The following MTRFR variants were observed in gnomAD, a reference collection of about 807,000 sequenced individuals.
The protein encoded by MTRFR is probable peptide chain release factor C12orf65, mitochondrial.
In MTRFR, 10 loss-of-function variants were observed where a neutral mutation model predicts 11.9. The ratio of observed to expected loss-of-function variants is 0.84; its 90% CI spans 0.52 to 1.42. The LOEUF is 1.42. MTRFR is among the 40% of genes most tolerant of loss of function. MTRFR has a pLI of 0.00. For synonymous variants in MTRFR, 77 were observed against 79.1 expected (o/e 0.97, Z 0.14); for missense variants, 196 against 197.9 (o/e 0.99, Z 0.06).
chr12:123,235,923 G>A lies in MTRFR; in HGVS notation c.-29+2392G>A, dbSNP rs555957011. Among the ~76,000 whole-genome samples the A allele has an allele frequency of 1.1e-4, 17 of 152,086 alleles. No individual in the cohort carries two copies. In the South Asian group the frequency reaches 2.7e-3, roughly 24 times the overall value. On this transcript the variant is annotated intron_variant, in intron 1 of 2. Transcript: ENST00000253233. ...GGCTAAGAATACAAAAATTAGCTGG[G>A]CGTGGTGGCTGGTGCCTATAATCCC...
At position 123,257,324 on chromosome 12, in the gene MTRFR, G is replaced by A; in HGVS notation, c.*293G>A. ...GAGGTCAGGAGTTTGAGACCAGCCT[G>A]GCCAACATGGTGAAACCCCGTCTCT... On this transcript the variant is annotated 3_prime_UTR_variant, in exon 3 of 3. Transcript: ENST00000253233. The A allele has an allele frequency of 3.2e-6, 1 of 316,256 alleles. No individual in the cohort carries two copies. Among genetic ancestry groups the A allele is most frequent in the Non-Finnish European group, 6.0e-6 (1 of 167,762 alleles). 19.6% of individuals were successfully genotyped at this position (316,256 alleles called of 1,614,324 possible).
At chr12:123,253,113 A>C (rs2048136467) in intron 1 of MTRFR, among the ~76,000 whole-genome samples, 1 of 45,304 alleles carries the variant, frequency 2.2e-5, no homozygotes, top group Non-Finnish European at 5.0e-5. Flanking sequence ...TTTTTGAGAC[A>C]CTGTCTCGCT....
At chr12:123,239,749 C>T (rs1379501375) in intron 1 of MTRFR, among the ~76,000 whole-genome samples, 1 of 152,154 alleles carries the variant, frequency 6.6e-6, no homozygotes, top group African/African-American at 2.4e-5. Flanking sequence ...AACATTAACA[C>T]AACAGAGGTG....
At chr12:123,253,528 C>T in intron 1 of MTRFR, 119 bp from the exon 2 acceptor site, 1 of 970,942 alleles carries the variant, frequency 1.0e-6, no homozygotes. Flanking sequence ...TCCTAAATTC[C>T]CTCGGTAACA....
At position 123,254,353 on chromosome 12, in the gene MTRFR, G is replaced by A. The variant is rs142383633; in HGVS notation, c.282+397G>A. The A allele has an allele frequency of 2.1e-4, 46 of 221,820 alleles. 1 individual carries two copies. The highest frequency in any genetic ancestry group is 3.3e-4 in the Non-Finnish European group (36 of 109,960). 13.7% of individuals were successfully genotyped at this position (221,820 alleles called of 1,614,324 possible). ...CCGTTCCCACTGCAGGAAGGCTGCC[G>A]AGATCCCCAGCATTGCTATGGGATC... is the stretch of plus-strand genomic sequence containing the variant. On this transcript the variant is annotated intron_variant, in intron 2 of 2. Transcript: ENST00000253233.
chr12:123,257,005 T>C lies in MTRFR; in HGVS notation c.475T>C (p.Trp159Arg), dbSNP rs755467137. ...AAAAAAGAAGCTACTTAAAGAACTG[T>C]GGGAGTCAAGTAAAAAGGTCCACTG... ...LEKKKLLKEL[W>R]ESSKKVH Residue 159 changes from tryptophan to arginine, a missense_variant, in exon 3 of 3, where the codon TGG becomes CGG. Coordinates refer to ENST00000253233, the MANE Select transcript of MTRFR (RefSeq NM_152269.5). The C allele has an allele frequency of 1.6e-5, 25 of 1,612,614 alleles. No individual in the cohort carries two copies. Among genetic ancestry groups the C allele is most frequent in the Middle Eastern group, 3.5e-4 (2 of 5,678 alleles).
intron 1 of MTRFR, among the ~76,000 whole-genome samples, chr12:123,234,576 T>C (rs911262351): frequency 3.3e-5 from 5 of 152,068 alleles, no homozygotes; most frequent in African/African-American, 1.2e-4. Flanking sequence ...TTTGTATTTT[T>C]AGTAGAGACG....
chr12:123,244,373 AGCGAGCCAAGATCGC>A, intron 1 of MTRFR, among the ~76,000 whole-genome samples: 1 of 152,314 alleles, frequency 6.6e-6, no homozygotes, highest in Admixed American at 6.5e-5. Context: ...CAGAGGTTGC[AGCGAGCCAAGATCGC>A]GCCATCGCAC....
chr12:123,245,364 G>T (rs1416003372), intron 1 of MTRFR, among the ~76,000 whole-genome samples: 1 of 152,060 alleles, frequency 6.6e-6, no homozygotes, highest in Admixed American at 6.6e-5. Context: ...GGCTATGTGG[G>T]CTCTATTTTG....
At chr12:123,256,205 G>A (rs1396915873) in intron 2 of MTRFR, among the ~76,000 whole-genome samples, 1 of 152,138 alleles carries the variant, frequency 6.6e-6, no homozygotes, top group Non-Finnish European at 1.5e-5. Context: ...GCTTATGAAT[G>A]GTGCACACAA....
intron 2 of MTRFR, among the ~76,000 whole-genome samples, chr12:123,256,179 T>C (rs1355788137): frequency 2.0e-5 from 3 of 152,222 alleles, no homozygotes; most frequent in Non-Finnish European, 4.4e-5. Context: ...TTTTCTTCCT[T>C]CAGACAGAAC....
chr12:123,243,234 A>T (rs537952984), intron 1 of MTRFR, among the ~76,000 whole-genome samples: 1 of 142,992 alleles, frequency 7.0e-6, no homozygotes, highest in East Asian at 1.9e-4. Context: ...CTTTTAAAAC[A>T]ATTTTTTTTT....
At chr12:123,255,756 C>G (rs558526536) in intron 2 of MTRFR, among the ~76,000 whole-genome samples, 4 of 152,336 alleles carry the variant, frequency 2.6e-5, no homozygotes, top group African/African-American at 7.2e-5. Context: ...TCCCGAGTAG[C>G]TGGGATTACA....
At chr12:123,240,184 T>G (rs1463525257) in intron 1 of MTRFR, among the ~76,000 whole-genome samples, 2 of 136,152 alleles carry the variant, frequency 1.5e-5, no homozygotes, top group Non-Finnish European at 3.1e-5. Flanking sequence ...ACCAACACGG[T>G]GAAACCCCAT....
At position 123,257,344 on chromosome 12, in the gene MTRFR, G is replaced by A. The variant is rs987410111; in HGVS notation, c.*313G>A. The stretch of plus-strand genomic sequence containing the variant: ...AGCCTGGCCAACATGGTGAAACCCC[G>A]TCTCTACTAAAAATACAAAAAATTA... On this transcript the variant is annotated 3_prime_UTR_variant, in exon 3 of 3. Transcript: ENST00000253233. The A allele has an allele frequency of 1.4e-4, 38 of 275,808 alleles. 1 individual carries two copies. Among genetic ancestry groups the A allele is most frequent in the Middle Eastern group, 1.3e-3 (1 of 800 alleles). 17.1% of individuals were successfully genotyped at this position (275,808 alleles called of 1,614,324 possible).
intron 1 of MTRFR, among the ~76,000 whole-genome samples, chr12:123,238,874 A>G (rs2047889781): frequency 6.6e-6 from 1 of 152,194 alleles, no homozygotes. Flanking sequence ...TGTCCCATAA[A>G]GTAGCCACCA....
rs762130757 is a variant in MTRFR at position 123,256,983 on chromosome 12, A to G, written c.453A>G (p.Lys151=). 2.5e-6 allele frequency: 4 copies of G among 1,612,050 alleles called. No homozygotes were observed. In the South Asian group the frequency reaches 4.4e-5, roughly 18 times the overall value. ...RKKRAKETLE[K]KKLLKELWES... ...AAAGAGCAAAGGAAACCCTGGAAAA[A>G]AAGAAGCTACTTAAAGAACTGTGGG... Residue 151 remains lysine, a synonymous_variant, in exon 3 of 3, where the codon AAA becomes AAG. Coordinates refer to ENST00000253233, the MANE Select transcript of MTRFR (RefSeq NM_152269.5).
chr12:123,241,700 C>A (rs532267530), intron 1 of MTRFR, among the ~76,000 whole-genome samples: 29 of 151,070 alleles, frequency 1.9e-4, no homozygotes, highest in Non-Finnish European at 3.4e-4. Context: ...AGCTTCTGGG[C>A]TCAAGCAATC....
intron 1 of MTRFR, among the ~76,000 whole-genome samples, chr12:123,246,344 T>G (rs11057207): frequency 0.59 from 89,887 of 152,114 alleles, 30,821 homozygotes; most frequent in Non-Finnish European, 0.75. Context: ...CAGCCTCAGT[T>G]TGAAGAATTT....
Sources: gnomAD v4.1 joint callset for allele counts (sites outside exome capture counted in the v4.1 genomes callset) on GRCh38, gnomAD v4.1.1 for gene constraint, MANE v1.5 for transcripts, NCBI Gene and HGNC (gene_info 2026-07-23, HGNC 2026-07-21) for gene names.